Variants in GRID2 observed in about 807,000 individuals in gnomAD.
GRID2 encodes glutamate ionotropic receptor delta type subunit 2.
Under a neutral mutation model 114.8 loss-of-function variants are expected in GRID2, and 33 were observed. The ratio of observed to expected loss-of-function variants is 0.29; its 90% confidence interval spans 0.22 to 0.38. The LOEUF (loss-of-function observed/expected upper bound fraction) is 0.38. GRID2 is among the 10% of genes least tolerant of loss of function. The probability of loss-of-function intolerance (pLI) is 1.00; values close to 1 mark genes in which losing one functional copy is unlikely to be tolerated. For missense variants in GRID2, 1,184 were observed against 1,257.7 expected (o/e 0.94, Z 0.89); for synonymous variants, 505 against 449.9 (o/e 1.12, Z -1.55).
intron 1 of GRID2, among the ~76,000 whole-genome samples, chr4:92,576,584 G>A (rs1196326341): frequency 6.6e-6 from 1 of 152,142 alleles, no homozygotes; most frequent in Admixed American, 6.5e-5. Context: ...AGGGTTCCTG[G>A]GGCTGGAGTA....
At chr4:92,855,409 G>T (rs1744104306) in intron 2 of GRID2, among the ~76,000 whole-genome samples, 1 of 151,844 alleles carries the variant, frequency 6.6e-6, no homozygotes, top group African/African-American at 2.4e-5. Flanking sequence ...ATTTATATAT[G>T]CCATATGCAT....
At chr4:93,667,823 T>C (rs1724078375) in intron 14 of GRID2, among the ~76,000 whole-genome samples, 1 of 152,088 alleles carries the variant, frequency 6.6e-6, no homozygotes, top group Admixed American at 6.6e-5. Context: ...ATTTTTTCTT[T>C]TGTTCAAATT....
chr4:92,605,110 C>G (rs1480006626), intron 2 of GRID2, among the ~76,000 whole-genome samples: 1 of 152,052 alleles, frequency 6.6e-6, no homozygotes, highest in African/African-American at 2.4e-5. Flanking sequence ...CCTTTCCCAG[C>G]CATGCTGAAC....
chr4:92,805,350 C>G (rs1740359599), intron 2 of GRID2, among the ~76,000 whole-genome samples: 1 of 151,844 alleles, frequency 6.6e-6, no homozygotes, highest in African/African-American at 2.4e-5. Flanking sequence ...CACCAAAATT[C>G]TCTTTTTGGT....
chr4:93,485,275 G>A (rs1334503933), intron 11 of GRID2, among the ~76,000 whole-genome samples: 2 of 151,592 alleles, frequency 1.3e-5, no homozygotes, highest in Non-Finnish European at 2.9e-5. Flanking sequence ...ATTTATAGGA[G>A]TTAATATTTA....
chr4:92,645,940 T>A (rs1489664512), intron 2 of GRID2, among the ~76,000 whole-genome samples: 1 of 151,816 alleles, frequency 6.6e-6, no homozygotes, highest in African/African-American at 2.4e-5. Flanking sequence ...AGTCATCTTA[T>A]GTGAAAAACG....
chr4:93,536,184 T>C (rs932037456), intron 13 of GRID2, among the ~76,000 whole-genome samples: 1 of 151,908 alleles, frequency 6.6e-6, no homozygotes, highest in Admixed American at 6.6e-5. Context: ...ATGACTATTT[T>C]ACGTAAATAG....
intron 2 of GRID2, among the ~76,000 whole-genome samples, chr4:93,018,166 C>A (rs1578763710): frequency 1.4e-5 from 2 of 146,832 alleles, no homozygotes; most frequent in African/African-American, 2.5e-5. Flanking sequence ...AATTTTGCTG[C>A]AATTTATGAA....
intron 2 of GRID2, among the ~76,000 whole-genome samples, chr4:92,650,580 G>C (rs980745940): frequency 6.6e-6 from 1 of 151,654 alleles, no homozygotes; most frequent in Non-Finnish European, 1.5e-5. Context: ...TGTTGATTCA[G>C]ATACATGAGA....
chr4:93,101,378 T>C (rs1731690040), intron 3 of GRID2, among the ~76,000 whole-genome samples: 1 of 152,028 alleles, frequency 6.6e-6, no homozygotes, highest in South Asian at 2.1e-4. Flanking sequence ...CTTCCAAGGG[T>C]ATATTTTTAC....
intron 8 of GRID2, among the ~76,000 whole-genome samples, chr4:93,368,579 G>A (rs1487766361): frequency 1.3e-5 from 2 of 151,946 alleles, no homozygotes; most frequent in Non-Finnish European, 1.5e-5. Flanking sequence ...AACAGGCCCC[G>A]GTGTGTGATG....
chr4:92,877,939 A>C (rs949906913), intron 2 of GRID2, among the ~76,000 whole-genome samples: 1 of 152,164 alleles, frequency 6.6e-6, no homozygotes, highest in Non-Finnish European at 1.5e-5. Flanking sequence ...AGACCAGAAA[A>C]GAAAAACCGT....
In GRID2 at chr4:93,116,498, T is replaced by A. The variant is rs144444727; in HGVS notation, c.735+5545T>A. Reference sequence around the variant, plus strand: ...TTTCTTGTTTGAATTATTACTTTTCTTACTTTTTTCTTCATCTTTGGGTAT... The same window carrying A: ...TTTCTTGTTTGAATTATTACTTTTCATACTTTTTTCTTCATCTTTGGGTAT... On this transcript the variant is annotated intron_variant, in intron 4 of 15. Transcript: ENST00000282020. Among the ~76,000 whole-genome samples the A allele has an allele frequency of 3.8e-3, 578 of 152,310 alleles. 19 individuals carry two copies. The East Asian group carries it at 0.061, about 16-fold the overall frequency.
At position 92,935,444 on chromosome 4, in the gene GRID2, A is replaced by C. The variant is rs1453171362; in HGVS notation, c.245-149551A>C. Among the ~76,000 whole-genome samples the C allele has an allele frequency of 5.6e-4, 82 of 146,776 alleles. 7 individuals are homozygous for C. Among genetic ancestry groups the C allele is most frequent in the Admixed American group, 7.4e-4 (10 of 13,570 alleles). On this transcript the variant is annotated intron_variant, in intron 2 of 15. Coordinates refer to ENST00000282020, the MANE Select transcript of GRID2 (RefSeq NM_001510.4). ...ACTTTTACACTGTTGGTGGGACTGT[A>C]AACTAGTTCAACCATTGTGGAAGTC... is the stretch of plus-strand genomic sequence containing the variant.
intron 12 of GRID2, among the ~76,000 whole-genome samples, chr4:93,509,325 G>A (rs201967402): frequency 6.6e-6 from 1 of 152,156 alleles, no homozygotes; most frequent in East Asian, 1.9e-4. Context: ...GATGAGAGTA[G>A]ATGAGGTGGG....
chr4:93,042,271 C>CTT (rs1725602827), intron 2 of GRID2, among the ~76,000 whole-genome samples: 2 of 81,412 alleles, frequency 2.5e-5, no homozygotes, highest in African/African-American at 4.8e-5. Context: ...CTCTCTCTCT[C>CTT]TCTTTCTCTC....
At chr4:93,600,242 A>T (rs59459811) in intron 13 of GRID2, among the ~76,000 whole-genome samples, 14,289 of 152,210 alleles carry the variant, frequency 0.094, 1,428 homozygotes, top group African/African-American at 0.25. Flanking sequence ...AACAAAAAAA[A>T]TTCTACTTAT....
At chr4:92,646,923 G>A (rs1731668632) in intron 2 of GRID2, among the ~76,000 whole-genome samples, 2 of 145,662 alleles carry the variant, frequency 1.4e-5, no homozygotes, top group Non-Finnish European at 3.0e-5. Flanking sequence ...TTTTCCTCAA[G>A]CCTTTATCCT....
intron 2 of GRID2, among the ~76,000 whole-genome samples, chr4:92,965,277 C>G (rs1753063900): frequency 6.6e-6 from 1 of 151,124 alleles, no homozygotes; most frequent in South Asian, 2.1e-4. Flanking sequence ...ACAGTAACAT[C>G]AAAAATCACT....
Sources: gnomAD v4.1 joint callset for allele counts (sites outside exome capture counted in the v4.1 genomes callset) on GRCh38, gnomAD v4.1.1 for gene constraint, MANE v1.5 for transcripts, NCBI Gene and HGNC (gene_info 2026-07-23, HGNC 2026-07-21) for gene names.